PITPNA: variants seen among roughly 807,000 people sequenced by gnomAD.
PITPNA encodes phosphatidylinositol transfer protein alpha isoform.
In PITPNA, 13 loss-of-function variants were observed where a neutral mutation model predicts 50.3. That is an observed-to-expected ratio of 0.26 (90% confidence interval 0.17 to 0.41). The LOEUF (loss-of-function observed/expected upper bound fraction) is 0.41. PITPNA is among the 10% of genes least tolerant of loss of function. The pLI is 1.00. For missense variants in PITPNA, 207 were observed against 333.4 expected (o/e 0.62, Z 2.95); for synonymous variants, 120 against 119.6 (o/e 1.00, Z -0.02).
rs755883575 is a variant in PITPNA, at chr17:1,535,520, TGA to T, written c.457-4_457-3del. 18 of 1,607,062 alleles carry T rather than the reference TGA, an allele frequency of 1.1e-5. No homozygotes were observed. The highest frequency in any genetic ancestry group is 1.5e-5 in the Non-Finnish European group (18 of 1,173,618). ...TGGGTCTTCCTCTGCCTTGTAATCC[TGA>T]GAGAAATTGTGGAATTGGGGTTGGA... On this transcript the variant is annotated splice_polypyrimidine_tract_variant and splice_region_variant and intron_variant, in intron 7 of 11. Transcript: ENST00000313486.
intron 4 of PITPNA, 68 bp from the exon 5 acceptor site, chr17:1,543,095 C>T (rs2075656037): frequency 1.6e-6 from 2 of 1,256,722 alleles, no homozygotes; most frequent in African/African-American, 1.5e-5. Context: ...ATATCTGCCC[C>T]CCACCCCCCA....
chr17:1,558,085 G>T (rs779062787), intron 2 of PITPNA, among the ~76,000 whole-genome samples: 1 of 152,120 alleles, frequency 6.6e-6, no homozygotes, highest in Non-Finnish European at 1.5e-5. Context: ...ATAAAAATTA[G>T]CCGGGTGTGG....
chr17:1,560,628 C>T (rs906823886), intron 1 of PITPNA, among the ~76,000 whole-genome samples: 2 of 152,264 alleles, frequency 1.3e-5, no homozygotes, highest in East Asian at 1.9e-4. Flanking sequence ...ATTTCAAAAC[C>T]ACAGATTTCT....
intron 9 of PITPNA, among the ~76,000 whole-genome samples, chr17:1,534,738 C>A (rs2075604428): frequency 6.6e-6 from 1 of 152,246 alleles, no homozygotes; most frequent in African/African-American, 2.4e-5. Context: ...AAAAGAAAGA[C>A]TGAGTTTTAT....
At position 1,558,628 on chromosome 17, in the gene PITPNA, A is replaced by G. The variant is rs187886260; in HGVS notation, c.21-69T>C. On this transcript the variant is annotated intron_variant, in intron 1 of 11. Coordinates refer to ENST00000313486, the MANE Select transcript of PITPNA (RefSeq NM_006224.4). ...TCTGCTCAAGGCTCTTTAAAGCATC[A>G]TCCTAAAACAGTCAGCAGCATTCTA... The G allele has an allele frequency of 1.9e-5, 21 of 1,079,738 alleles. No individual in the cohort carries two copies. The African/African-American group carries it at 3.2e-4, about 17-fold the overall frequency. The allele number at this position is 1,079,738 out of a possible 1,614,324, so 66.9% of individuals were successfully genotyped here.
At chr17:1,547,190 T>C (rs1598410793) in intron 4 of PITPNA, among the ~76,000 whole-genome samples, 1 of 130,512 alleles carries the variant, frequency 7.7e-6, no homozygotes, top group East Asian at 2.2e-4. Context: ...TGAGACCCCA[T>C]CTCTCCAAAA....
intron 10 of PITPNA, among the ~76,000 whole-genome samples, chr17:1,527,368 C>T (rs1266358246): frequency 5.3e-5 from 8 of 152,110 alleles, no homozygotes; most frequent in Non-Finnish European, 8.8e-5. Context: ...CTCAGCCTCC[C>T]GAGTAGCTGG....
chr17:1,543,922 A>G (rs765103264), intron 4 of PITPNA, among the ~76,000 whole-genome samples: 30 of 152,220 alleles, frequency 2.0e-4, no homozygotes, highest in Non-Finnish European at 4.0e-4. Context: ...ACGTTAGAAT[A>G]AGAAAAGGAA....
At chr17:1,535,336 AGACCTCAGGCC>A in intron 8 of PITPNA, 44 bp from the exon 9 acceptor site, 1 of 1,525,392 alleles carries the variant, frequency 6.6e-7, no homozygotes, top group South Asian at 1.1e-5. Flanking sequence ...AACAACGGGC[AGACCTCAGGCC>A]GTCCCCAGCT....
chr17:1,530,623 C>T (rs1399590058), intron 10 of PITPNA, among the ~76,000 whole-genome samples: 1 of 152,180 alleles, frequency 6.6e-6, no homozygotes, highest in Admixed American at 6.5e-5. Context: ...ATTCCTATTC[C>T]AAGTGTGCAG....
intron 11 of PITPNA, among the ~76,000 whole-genome samples, chr17:1,520,953 C>T (rs1458569039): frequency 3.9e-5 from 6 of 152,012 alleles, no homozygotes; most frequent in Non-Finnish European, 5.9e-5. Context: ...GGGTGGTGTA[C>T]AGGGCACTGG....
At chr17:1,532,467 A>G (rs780711247) in intron 10 of PITPNA, among the ~76,000 whole-genome samples, 2 of 152,190 alleles carry the variant, frequency 1.3e-5, no homozygotes, top group Non-Finnish European at 2.9e-5. Flanking sequence ...GATCTGAACA[A>G]AGCAGATCCA....
At chr17:1,559,822 C>T (rs2075759169) in intron 1 of PITPNA, 3 of 962,788 alleles carry the variant, frequency 3.1e-6, no homozygotes, top group Non-Finnish European at 2.5e-6. Flanking sequence ...TCTTTACTGC[C>T]TGCTAACAAC....
intron 5 of PITPNA, 79 bp from the exon 6 acceptor site, chr17:1,541,719 C>T (rs752708176): frequency 2.2e-6 from 2 of 895,664 alleles, no homozygotes; most frequent in African/African-American, 3.3e-5. Context: ...TGGAGATGGG[C>T]ATTACTGGAT....
Position 1,535,283 on chromosome 17 carries a change from C to T in PITPNA, c.544G>A (p.Val182Ile), listed in dbSNP as rs1170807597. Residue 182 changes from valine (V) to isoleucine (I), a missense_variant, in exon 9 of 12, where the codon GTA (valine) becomes ATA (isoleucine). Physicochemically the swap from Val to Ile is conservative, Grantham distance 29 (BLOSUM62 3). Coordinates refer to ENST00000313486, the MANE Select transcript of PITPNA (RefSeq NM_006224.4). ...PLGPNWKQELVNQKDCPYMCA... is the reference protein window; with the variant it reads ...PLGPNWKQELINQKDCPYMCA... ...ATATATGGGCAGTCCTTCTGGTTTACAAGCTCTTGCTGCATTAGAAACATA... is the reference window on the plus strand; with the variant it reads ...ATATATGGGCAGTCCTTCTGGTTTATAAGCTCTTGCTGCATTAGAAACATA... The T allele has an allele frequency of 1.9e-6, 3 of 1,611,982 alleles. No individual in the cohort carries two copies. The highest frequency in any genetic ancestry group is 1.7e-6 in the Non-Finnish European group (2 of 1,178,092).
chr17:1,552,927 T>C (rs1332484819), intron 3 of PITPNA, 77 bp downstream of exon 3: 27 of 1,443,816 alleles, frequency 1.9e-5, no homozygotes, highest in Non-Finnish European at 2.6e-5. Context: ...CCCATCTATA[T>C]AAAACAATAA....
Position 1,524,287 on chromosome 17 carries a change from G to A in PITPNA, c.769-2642C>T, listed in dbSNP as rs576763426. Among the ~76,000 whole-genome samples the A allele has an allele frequency of 2.4e-3, 343 of 142,736 alleles. 1 individual carries two copies. The highest frequency in any genetic ancestry group is 9.5e-3 in the Middle Eastern group (2 of 210). The allele number at this position is 142,736 out of a possible 152,430, so 93.6% of individuals were successfully genotyped here. On this transcript the variant is annotated intron_variant, in intron 10 of 11. Coordinates refer to ENST00000313486, the MANE Select transcript of PITPNA (RefSeq NM_006224.4). Reference sequence around the variant, plus strand: ...TCTCCATGTCCTGACCTCATGATCCGCCCGCCTTGGCCTCCCAAAGTGCTG... The same window carrying A: ...TCTCCATGTCCTGACCTCATGATCCACCCGCCTTGGCCTCCCAAAGTGCTG...
rs187220098 is a variant in PITPNA, at chr17:1,521,435, G to T, written c.*22+144C>A. ...CAAGGGCCATAATCTCCTAGTGGAAGTGGAGAGCTATCGAGCGTGGCAACC... is the reference window on the plus strand; with the variant it reads ...CAAGGGCCATAATCTCCTAGTGGAATTGGAGAGCTATCGAGCGTGGCAACC... On this transcript the variant is annotated intron_variant, in intron 11 of 11. Coordinates refer to ENST00000313486, the MANE Select transcript of PITPNA (RefSeq NM_006224.4). 1.3e-4 allele frequency: 88 copies of T among 659,514 alleles called. No individual in the cohort carries two copies. The African/African-American group carries it at 1.5e-3, about 11-fold the overall frequency. 40.9% of individuals were successfully genotyped at this position (659,514 alleles called of 1,614,324 possible).
At chr17:1,541,118 T>C (rs2075645920) in intron 6 of PITPNA, among the ~76,000 whole-genome samples, 1 of 152,130 alleles carries the variant, frequency 6.6e-6, no homozygotes, top group South Asian at 2.1e-4. Context: ...CCCAGGATGG[T>C]CTTACATTGT....
Sources: allele counts gnomAD v4.1 joint callset (sites outside exome capture counted in the v4.1 genomes callset), GRCh38; gene constraint gnomAD v4.1.1; transcripts MANE v1.5; gene names NCBI Gene and HGNC (gene_info 2026-07-23, HGNC 2026-07-21).